The following CPQ variants were observed in gnomAD, a reference collection of about 807,000 sequenced individuals.
CPQ encodes Ser-Met dipeptidase.
In CPQ, 37 loss-of-function variants were observed where a neutral mutation model predicts 45.7. The observed-to-expected ratio is 0.81, with a 90% CI of 0.62 to 1.07. CPQ has a LOEUF of 1.07. Among genes scored for constraint, CPQ ranks in the 50% least tolerant of loss-of-function variants. The pLI is 0.00. For missense variants in CPQ, 537 were observed against 572.9 expected (o/e 0.94, Z 0.64); for synonymous variants, 186 against 205.8 (o/e 0.90, Z 0.82).
At chr8:97,066,421 C>G (rs1563570981) in intron 7 of CPQ, among the ~76,000 whole-genome samples, 1 of 152,150 alleles carries the variant, frequency 6.6e-6, no homozygotes, top group African/African-American at 2.4e-5. Flanking sequence ...TCCACTCTTT[C>G]TAAATTATAA....
intron 6 of CPQ, among the ~76,000 whole-genome samples, chr8:97,041,958 T>A (rs1810134485): frequency 6.6e-6 from 1 of 152,218 alleles, no homozygotes; most frequent in South Asian, 2.1e-4. Flanking sequence ...TTTTTGGATG[T>A]GTCTCTGCCA....
At chr8:97,072,341 C>T (rs1810758162) in intron 7 of CPQ, among the ~76,000 whole-genome samples, 1 of 152,124 alleles carries the variant, frequency 6.6e-6, no homozygotes, top group Non-Finnish European at 1.5e-5. Context: ...CAGCATCTCC[C>T]TGCTGTCTCC....
rs922080116 is a variant in CPQ, at chr8:96,709,223, G to T, written c.-35+63821G>T. Among the ~76,000 whole-genome samples, 13 of 152,032 alleles carry T rather than the reference G, an allele frequency of 8.6e-5. No individual in the cohort carries two copies. In the South Asian group the frequency reaches 1.5e-3, roughly 17 times the overall value. On this transcript the variant is annotated intron_variant, in intron 1 of 7. Transcript: ENST00000220763. Reference sequence around the variant, plus strand: ...CCCTGGACATTGTACCCAATATGTGGTTTTTTTAATCCCTCACCCCTCTCC... The same window carrying T: ...CCCTGGACATTGTACCCAATATGTGTTTTTTTTAATCCCTCACCCCTCTCC...
In CPQ at chr8:97,071,552, C is replaced by G. The variant is rs186467141; in HGVS notation, c.1255+5342C>G. On this transcript the variant is annotated intron_variant, in intron 7 of 7. Coordinates refer to ENST00000220763, the MANE Select transcript of CPQ (RefSeq NM_016134.4). ...CCAAATCCCTGCTATTTCTTAAACC[C>G]ATTCCCTCCTCTCCACCCCACAGAC... Among the ~76,000 whole-genome samples the G allele has an allele frequency of 1.1e-3, 172 of 152,226 alleles. 1 individual carries two copies. The highest frequency in any genetic ancestry group is 2.0e-3 in the Admixed American group (31 of 15,270).
At chr8:97,070,955 TTTC>T (rs1468539882) in intron 7 of CPQ, among the ~76,000 whole-genome samples, 2 of 152,186 alleles carry the variant, frequency 1.3e-5, no homozygotes, top group South Asian at 2.1e-4. Context: ...CTTGAATATA[TTTC>T]TTCTTTAGAA....
intron 3 of CPQ, among the ~76,000 whole-genome samples, chr8:96,857,116 C>T (rs1484356378): frequency 6.6e-6 from 1 of 152,186 alleles, no homozygotes; most frequent in Non-Finnish European, 1.5e-5. Context: ...GCCTGCCTGG[C>T]TCTGATTGCT....
chr8:96,943,504 T>C (rs1447902674), intron 4 of CPQ, among the ~76,000 whole-genome samples: 1 of 152,150 alleles, frequency 6.6e-6, no homozygotes, highest in East Asian at 1.9e-4. Flanking sequence ...AGCAGCACTT[T>C]AAGTATTATT....
At chr8:96,783,865 T>C (rs1040269570) in intron 1 of CPQ, among the ~76,000 whole-genome samples, 4 of 152,200 alleles carry the variant, frequency 2.6e-5, no homozygotes, top group Non-Finnish European at 5.9e-5. Context: ...TTGGACAGCA[T>C]TGAATACATT....
intron 1 of CPQ, among the ~76,000 whole-genome samples, chr8:96,761,976 G>A (rs1810411365): frequency 6.6e-6 from 1 of 152,130 alleles, no homozygotes; most frequent in Non-Finnish European, 1.5e-5. Context: ...AGATCTCTGT[G>A]AGCCACTTGC....
intron 1 of CPQ, among the ~76,000 whole-genome samples, chr8:96,713,418 G>C (rs1175727632): frequency 1.3e-5 from 2 of 152,130 alleles, no homozygotes; most frequent in African/African-American, 4.8e-5. Flanking sequence ...CCCAAGACTG[G>C]GTAATTTATA....
At chr8:97,064,712 G>A (rs192254933) in intron 6 of CPQ, among the ~76,000 whole-genome samples, 9 of 152,254 alleles carry the variant, frequency 5.9e-5, no homozygotes. Flanking sequence ...AAAAGGTTAG[G>A]CAATCATTGT....
intron 4 of CPQ, among the ~76,000 whole-genome samples, chr8:96,888,214 G>A (rs28628406): frequency 0.055 from 8,327 of 152,170 alleles, 268 homozygotes; most frequent in East Asian, 0.076. Flanking sequence ...ATGTCCCTTG[G>A]GGGACAAAAG....
intron 1 of CPQ, among the ~76,000 whole-genome samples, chr8:96,652,993 G>T (rs1477075787): frequency 2.0e-5 from 3 of 152,136 alleles, no homozygotes; most frequent in East Asian, 1.9e-4. Context: ...GTACAGGGGC[G>T]TGATCTTGGC....
chr8:96,762,033 A>G, intron 1 of CPQ, among the ~76,000 whole-genome samples: 1 of 152,244 alleles, frequency 6.6e-6, no homozygotes, highest in East Asian at 1.9e-4. Flanking sequence ...GAGCTTGCCA[A>G]GAATATTTGC....
chr8:96,905,184 G>A (rs1439568478), intron 4 of CPQ, among the ~76,000 whole-genome samples: 1 of 151,968 alleles, frequency 6.6e-6, no homozygotes, highest in East Asian at 1.9e-4. Flanking sequence ...GAGAGTGAGG[G>A]GGGAAGTGCC....
chr8:96,871,142 T>C (rs1389939962), intron 3 of CPQ, among the ~76,000 whole-genome samples: 2 of 152,056 alleles, frequency 1.3e-5, no homozygotes, highest in Non-Finnish European at 1.5e-5. Context: ...TGTCCCCTTC[T>C]GTATCATTGT....
At chr8:96,792,436 G>C (rs1389448328) in intron 2 of CPQ, among the ~76,000 whole-genome samples, 2 of 152,168 alleles carry the variant, frequency 1.3e-5, no homozygotes, top group African/African-American at 4.8e-5. Context: ...CAACACAGCA[G>C]GTCATTGAGT....
chr8:96,666,642 A>G (rs1808928850), intron 1 of CPQ, among the ~76,000 whole-genome samples: 1 of 152,250 alleles, frequency 6.6e-6, no homozygotes, highest in South Asian at 2.1e-4. Flanking sequence ...CAAGGTGGCT[A>G]GAGCCGTCTT....
chr8:96,862,600 T>C (rs1811940526), intron 3 of CPQ, among the ~76,000 whole-genome samples: 1 of 152,030 alleles, frequency 6.6e-6, no homozygotes, highest in Admixed American at 6.6e-5. Flanking sequence ...AGAATTGCAG[T>C]GCTGATTCTA....
Sources: allele counts gnomAD v4.1 joint callset (sites outside exome capture counted in the v4.1 genomes callset), GRCh38; gene constraint gnomAD v4.1.1; transcripts MANE v1.5; gene names NCBI Gene and HGNC (gene_info 2026-07-23, HGNC 2026-07-21).